The following NFIA variants were observed in gnomAD, a reference collection of about 807,000 sequenced individuals.
NFIA encodes the protein nuclear factor 1 A-type.
A neutral mutation model predicts 62.8 loss-of-function variants in NFIA; 8 were observed. The observed-to-expected ratio is 0.13, with a 90% CI of 0.07 to 0.23. NFIA has a LOEUF of 0.23. NFIA is among the 10% of genes least tolerant of loss of function. NFIA has a pLI of 1.00. For missense variants in NFIA, 410 were observed against 642.1 expected, an observed-to-expected ratio of 0.64 and a Z score of 3.91; for synonymous variants, 235 against 238.1, an observed-to-expected ratio of 0.99 and a Z score of 0.12.
chr1:61,191,091 T>C (rs1651582984), intron 2 of NFIA, among the ~76,000 whole-genome samples: 1 of 151,964 alleles, frequency 6.6e-6, no homozygotes, highest in Non-Finnish European at 1.5e-5. Flanking sequence ...ATTTCAGGCA[T>C]GTTTTCTTAG....
chr1:61,210,152 A>G (rs139196205), intron 2 of NFIA, among the ~76,000 whole-genome samples: 1 of 152,330 alleles, frequency 6.6e-6, no homozygotes, highest in African/African-American at 2.4e-5. Flanking sequence ...GGGGAAGGGT[A>G]TAATACCTTT....
At chr1:61,183,938 CT>C (rs1307584423) in intron 2 of NFIA, among the ~76,000 whole-genome samples, 1 of 151,974 alleles carries the variant, frequency 6.6e-6, no homozygotes, top group Non-Finnish European at 1.5e-5. Flanking sequence ...AGAGGACGTC[CT>C]GACATTTCTG....
intron 2 of NFIA, among the ~76,000 whole-genome samples, chr1:61,116,913 C>A (rs1646802207): frequency 6.6e-6 from 1 of 152,164 alleles, no homozygotes; most frequent in African/African-American, 2.4e-5. Context: ...TTCCTTATTT[C>A]CTGCATGTGT....
chr1:61,229,257 T>G (rs1019530306), intron 2 of NFIA, among the ~76,000 whole-genome samples: 3 of 152,126 alleles, frequency 2.0e-5, no homozygotes, highest in African/African-American at 7.2e-5. Flanking sequence ...GTTAAAGATA[T>G]TCTTAGAAAG....
chr1:61,083,486 C>G (rs1646157870), intron 1 of NFIA, among the ~76,000 whole-genome samples: 1 of 152,168 alleles, frequency 6.6e-6, no homozygotes. Flanking sequence ...CGGACAGCGC[C>G]CCTCGGACGC....
chr1:61,302,144 C>G (rs1222411534), intron 3 of NFIA, among the ~76,000 whole-genome samples: 1 of 152,164 alleles, frequency 6.6e-6, no homozygotes, highest in Non-Finnish European at 1.5e-5. Context: ...TGACCTTGTT[C>G]ATTCATAGCA....
At chr1:61,446,414 C>T (rs1667813425) in intron 10 of NFIA, among the ~76,000 whole-genome samples, 1 of 151,954 alleles carries the variant, frequency 6.6e-6, no homozygotes, top group Non-Finnish European at 1.5e-5. Flanking sequence ...AGGGGTCTGT[C>T]ATGATTCCTG....
chr1:61,210,286 G>T (rs1653165811), intron 2 of NFIA, among the ~76,000 whole-genome samples: 5 of 152,212 alleles, frequency 3.3e-5, no homozygotes, highest in Admixed American at 3.3e-4. Flanking sequence ...CCCTGTGATA[G>T]GTAGCAAAGG....
intron 10 of NFIA, among the ~76,000 whole-genome samples, chr1:61,441,331 G>GTGTGTGTGTGTGTCTGTC (rs1360188951): frequency 2.8e-5 from 4 of 142,346 alleles, no homozygotes; most frequent in Non-Finnish European, 4.6e-5. Flanking sequence ...GTGTGTGTGT[G>GTGTGTGTGTGTGTCTGTC]TGTCTGTCTG....
intron 1 of NFIA, among the ~76,000 whole-genome samples, chr1:61,083,458 C>T (rs924201434): frequency 5.9e-5 from 9 of 152,050 alleles, no homozygotes; most frequent in African/African-American, 1.9e-4. Context: ...GACGCGGGCT[C>T]CCGTCCCGGC....
rs746909222 is a variant in NFIA, at chr1:61,242,841, A to G, written c.560-34679A>G. Reference sequence around the variant, plus strand: ...GCGTTTTGTTTTTATCTCAATTGGTAGTGGAATCAGCTAGGGATAATACTA... The same window carrying G: ...GCGTTTTGTTTTTATCTCAATTGGTGGTGGAATCAGCTAGGGATAATACTA... On this transcript the variant is annotated intron_variant, in intron 2 of 10. Transcript: ENST00000403491. 1.3e-3 allele frequency among the ~76,000 whole-genome samples: 205 copies of G among 151,862 alleles called. 2 individuals are homozygous for G. Among genetic ancestry groups the G allele is most frequent in the Non-Finnish European group, 2.6e-3 (180 of 67,942 alleles).
intron 2 of NFIA, among the ~76,000 whole-genome samples, chr1:61,169,667 A>C (rs1014906031): frequency 6.6e-6 from 1 of 152,186 alleles, no homozygotes; most frequent in African/African-American, 2.4e-5. Flanking sequence ...ACACTGTGTT[A>C]CTTACTGGGG....
At chr1:61,214,014 C>T (rs373273076) in intron 2 of NFIA, among the ~76,000 whole-genome samples, 1 of 152,110 alleles carries the variant, frequency 6.6e-6, no homozygotes, top group Non-Finnish European at 1.5e-5. Flanking sequence ...CAGTGAGTTT[C>T]GTCGGAAGTA....
chr1:61,397,220 T>C (rs1665326257), intron 7 of NFIA, among the ~76,000 whole-genome samples: 1 of 152,188 alleles, frequency 6.6e-6, no homozygotes, highest in Non-Finnish European at 1.5e-5. Context: ...ACTATTTGTC[T>C]AGGTCTTTAA....
intron 10 of NFIA, among the ~76,000 whole-genome samples, chr1:61,428,803 A>G (rs1666980858): frequency 6.6e-6 from 1 of 152,176 alleles, no homozygotes; most frequent in Non-Finnish European, 1.5e-5. Flanking sequence ...TTCCTAGGCA[A>G]ACTTGTGTTT....
At chr1:61,200,164 G>T (rs1251612864) in intron 2 of NFIA, among the ~76,000 whole-genome samples, 2 of 149,790 alleles carry the variant, frequency 1.3e-5, no homozygotes, top group Non-Finnish European at 3.0e-5. Flanking sequence ...ACAGCAGGAG[G>T]CAGTGCAGTC....
chr1:61,174,947 C>A (rs935768887), intron 2 of NFIA, among the ~76,000 whole-genome samples: 1 of 151,948 alleles, frequency 6.6e-6, no homozygotes, highest in Admixed American at 6.6e-5. Flanking sequence ...TGAGGAGCAC[C>A]TTTGTAGCTA....
At chr1:61,138,251 A>G (rs1647251347) in intron 2 of NFIA, among the ~76,000 whole-genome samples, 2 of 151,932 alleles carry the variant, frequency 1.3e-5, no homozygotes, top group Non-Finnish European at 2.9e-5. Context: ...ACACGCCACC[A>G]CGTAGGGCTA....
rs191415539 is a variant in NFIA at position 61,286,415 on chromosome 1, G to A, written c.625+8830G>A. ...TGCACTCCAGCCTGGGTGACCGAGC[G>A]AGACTCTGTCTCAAAAAAAAAAAAA... On this transcript the variant is annotated intron_variant, in intron 3 of 10. Coordinates refer to ENST00000403491, the MANE Select transcript of NFIA (RefSeq NM_001134673.4). Among the ~76,000 whole-genome samples, 313 of 136,892 alleles carry A rather than the reference G, an allele frequency of 2.3e-3. 3 individuals carry two copies. The highest frequency in any genetic ancestry group is 0.015 in the Admixed American group (195 of 13,316). 89.8% of individuals were successfully genotyped at this position (136,892 alleles called of 152,430 possible).
Sources: gnomAD v4.1 joint callset for allele counts (sites outside exome capture counted in the v4.1 genomes callset) on GRCh38, gnomAD v4.1.1 for gene constraint, MANE v1.5 for transcripts, NCBI Gene and HGNC (gene_info 2026-07-23, HGNC 2026-07-21) for gene names.